Variants in SCHIP1 observed in about 807,000 individuals in gnomAD.
The protein encoded by SCHIP1 is schwannomin interacting protein 1.
In SCHIP1, 8 loss-of-function variants were observed where a neutral mutation model predicts 29.7. The ratio of observed to expected loss-of-function variants is 0.27; its 90% CI spans 0.16 to 0.49. The LOEUF (loss-of-function observed/expected upper bound fraction) is 0.49. SCHIP1 is among the 20% of genes least tolerant of loss of function. The probability of loss-of-function intolerance (pLI) is 0.99; values close to 1 mark genes in which losing one functional copy is unlikely to be tolerated. For missense variants in SCHIP1, 193 were observed against 294.6 expected, an observed-to-expected ratio of 0.66 and a Z score of 2.52; for synonymous variants, 76 against 94.9, an observed-to-expected ratio of 0.80 and a Z score of 1.16.
the SCHIP1 span, among the ~76,000 whole-genome samples, chr3:159,612,515 G>A: frequency 6.6e-6 from 1 of 152,204 alleles, no homozygotes; most frequent in Non-Finnish European, 1.5e-5. Flanking sequence ...GCGAGGCCAA[G>A]GAGGGCAGAT....
At chr3:159,795,671 G>T in the SCHIP1 span, among the ~76,000 whole-genome samples, 1 of 152,314 alleles carries the variant, frequency 6.6e-6, no homozygotes, top group Non-Finnish European at 1.5e-5. Flanking sequence ...ACTTCATTTG[G>T]GTAGGTTAGA....
chr3:159,382,662 G>C, the SCHIP1 span, among the ~76,000 whole-genome samples: 1 of 150,976 alleles, frequency 6.6e-6, no homozygotes, highest in Non-Finnish European at 1.5e-5. Context: ...TCTAGTTCTA[G>C]ATCCCTGAGG....
chr3:159,642,144 C>A, the SCHIP1 span, among the ~76,000 whole-genome samples: 41 of 152,218 alleles, frequency 2.7e-4, no homozygotes, highest in East Asian at 7.0e-3. Flanking sequence ...ATTACCTCAA[C>A]ATTTATTAGG....
the SCHIP1 span, among the ~76,000 whole-genome samples, chr3:159,414,114 T>C: frequency 6.6e-6 from 1 of 152,220 alleles, no homozygotes; most frequent in African/African-American, 2.4e-5. Flanking sequence ...AAAGTGAAAT[T>C]GTATTTTCCT....
chr3:159,675,054 T>G, the SCHIP1 span, among the ~76,000 whole-genome samples: 1 of 152,200 alleles, frequency 6.6e-6, no homozygotes, highest in African/African-American at 2.4e-5. Context: ...TTTTCTGTGC[T>G]TCAGAGTCAA....
At chr3:159,352,511 C>T in the SCHIP1 span, among the ~76,000 whole-genome samples, 6 of 152,204 alleles carry the variant, frequency 3.9e-5, no homozygotes, top group African/African-American at 1.4e-4. Flanking sequence ...AGGAAACTGA[C>T]AGCAGTATAA....
the SCHIP1 span, among the ~76,000 whole-genome samples, chr3:159,280,362 C>A: frequency 0.11 from 17,058 of 152,162 alleles, 1,084 homozygotes; most frequent in Middle Eastern, 0.14. Flanking sequence ...CTTTCTCTGG[C>A]CCTTTTTGAT....
intron 6 of SCHIP1, chr3:159,894,379 T>G (rs1717854866): frequency 6.6e-6 from 1 of 152,078 alleles, no homozygotes; most frequent in South Asian, 2.1e-4. Context: ...CCCAAGGGAG[T>G]TGACCCTGGT....
chr3:159,287,243 A>G, the SCHIP1 span, among the ~76,000 whole-genome samples: 1 of 151,886 alleles, frequency 6.6e-6, no homozygotes, highest in Non-Finnish European at 1.5e-5. Context: ...ATTGATTCTT[A>G]TATATAGTAT....
the SCHIP1 span, among the ~76,000 whole-genome samples, chr3:159,308,261 A>G: frequency 6.6e-6 from 1 of 152,102 alleles, no homozygotes; most frequent in Admixed American, 6.6e-5. Context: ...GAATGGAAGA[A>G]GATACTCACA....
the SCHIP1 span, among the ~76,000 whole-genome samples, chr3:159,436,194 C>T: frequency 3.9e-5 from 6 of 152,172 alleles, no homozygotes; most frequent in African/African-American, 1.4e-4. Flanking sequence ...CACCCATGCA[C>T]ACTCTTGCAC....
the SCHIP1 span, among the ~76,000 whole-genome samples, chr3:159,329,735 A>G: frequency 6.6e-6 from 1 of 152,224 alleles, no homozygotes; most frequent in Non-Finnish European, 1.5e-5. Flanking sequence ...ATTTTCTGTT[A>G]ACAATCGAAA....
the SCHIP1 span, among the ~76,000 whole-genome samples, chr3:159,740,771 G>C: frequency 2.6e-4 from 27 of 104,900 alleles, no homozygotes; most frequent in East Asian, 2.6e-3. Flanking sequence ...CAAAAAAAAA[G>C]AAAAAAAAAA....
At chr3:159,703,164 G>T in the SCHIP1 span, among the ~76,000 whole-genome samples, 1 of 152,178 alleles carries the variant, frequency 6.6e-6, no homozygotes, top group Non-Finnish European at 1.5e-5. Context: ...TTAGACTGAA[G>T]CAGGTAAGAA....
chr3:159,704,592 G>A, the SCHIP1 span, among the ~76,000 whole-genome samples: 1 of 151,998 alleles, frequency 6.6e-6, no homozygotes, highest in African/African-American at 2.4e-5. Context: ...TTAATAAATG[G>A]TTCTTGAATA....
the SCHIP1 span, among the ~76,000 whole-genome samples, chr3:159,733,809 G>A: frequency 7.2e-5 from 11 of 152,240 alleles, no homozygotes; most frequent in Middle Eastern, 3.4e-3. Flanking sequence ...CTTCTCCTCC[G>A]ACTTCTGATG....
the SCHIP1 span, among the ~76,000 whole-genome samples, chr3:159,306,216 T>A: frequency 6.6e-6 from 1 of 152,380 alleles, no homozygotes; most frequent in East Asian, 1.9e-4. Context: ...TGATGATGAA[T>A]GTTTAACAAC....
At chr3:159,577,848 C>T in the SCHIP1 span, among the ~76,000 whole-genome samples, 1 of 152,158 alleles carries the variant, frequency 6.6e-6, no homozygotes, top group South Asian at 2.1e-4. Flanking sequence ...CAATGCTTAA[C>T]ATTTTTCAAA....
the SCHIP1 span, among the ~76,000 whole-genome samples, chr3:159,379,730 TCTCAAC>T: frequency 6.6e-6 from 1 of 152,124 alleles, no homozygotes; most frequent in Non-Finnish European, 1.5e-5. Flanking sequence ...GCAATGTTGA[TCTCAAC>T]CACATGACAA....
Sources: allele counts gnomAD v4.1 joint callset (sites outside exome capture counted in the v4.1 genomes callset), GRCh38; gene constraint gnomAD v4.1.1; transcripts MANE v1.5; gene names NCBI Gene and HGNC (gene_info 2026-07-23, HGNC 2026-07-21).